The following RAD21 variants were observed in gnomAD, a reference collection of about 807,000 sequenced individuals.
The protein encoded by RAD21 is double-strand-break repair protein rad21 homolog.
In RAD21, 18 loss-of-function variants were observed where a neutral mutation model predicts 71.5. The ratio of observed to expected loss-of-function variants is 0.25; its 90% CI spans 0.17 to 0.37. The LOEUF (loss-of-function observed/expected upper bound fraction) is 0.37, where lower values mean the gene tolerates loss of function less well. Among genes scored for constraint, RAD21 ranks in the 10% least tolerant of loss-of-function variants. The probability of loss-of-function intolerance (pLI) is 1.00; values close to 1 mark genes in which losing one functional copy is unlikely to be tolerated. For missense variants in RAD21, 493 were observed against 769.1 expected (o/e 0.64, Z 4.25); for synonymous variants, 248 against 254.0 (o/e 0.98, Z 0.22).
At chr8:116,868,200 C>T (rs1447928337) in intron 1 of RAD21, among the ~76,000 whole-genome samples, 1 of 152,166 alleles carries the variant, frequency 6.6e-6, no homozygotes, top group Non-Finnish European at 1.5e-5. Flanking sequence ...TGAGTCACCA[C>T]ACTGGACTTA....
intron 5 of RAD21, among the ~76,000 whole-genome samples, chr8:116,857,804 T>C (rs1056466751): frequency 6.6e-6 from 1 of 152,168 alleles, no homozygotes; most frequent in African/African-American, 2.4e-5. Context: ...CGTTATAATG[T>C]GTTTCATCAA....
rs953138969 is a variant in RAD21, at chr8:116,846,358, A to AAGTT, written c.*1138_*1141dup. On this transcript the variant is annotated 3_prime_UTR_variant, in exon 14 of 14. Transcript: ENST00000297338. ...CTTTCAGTGTTAACTTTGCCCTAAAAAGTTAAGACATTCTGATAATCATAA... is the reference window on the plus strand; with the variant it reads ...CTTTCAGTGTTAACTTTGCCCTAAAAAGTTAGTTAAGACATTCTGATAATCATAA... 1 of 185,570 alleles carries AAGTT rather than the reference A, an allele frequency of 5.4e-6. No homozygotes were observed. Among genetic ancestry groups the AAGTT allele is most frequent in the African/African-American group, 3.5e-5 (1 of 28,510 alleles). 11.5% of individuals were successfully genotyped at this position (185,570 alleles called of 1,614,324 possible).
chr8:116,869,372 G>A (rs1283653284), intron 1 of RAD21, among the ~76,000 whole-genome samples: 1 of 152,166 alleles, frequency 6.6e-6, no homozygotes, highest in Non-Finnish European at 1.5e-5. Flanking sequence ...ATCACTTGAG[G>A]CCAGGAGTTC....
chr8:116,856,292 TAAA>T lies in RAD21; in HGVS notation c.815-7_815-5del, dbSNP rs35902828. 0.023 allele frequency: 26,123 copies of T among 1,117,238 alleles called. No individual in the cohort carries two copies. The highest frequency in any genetic ancestry group is 0.062 in the East Asian group (1,716 of 27,830). The allele number at this position is 1,117,238 out of a possible 1,614,324, so 69.2% of individuals were successfully genotyped here. The stretch of plus-strand genomic sequence containing the variant: ...TCAGGACTATCAGGCCCACCCACTG[TAAA>T]AAAAAAAAAAAAAAAAAAAAGTCAC... On this transcript the variant is annotated splice_polypyrimidine_tract_variant and splice_region_variant and intron_variant, in intron 7 of 13. Transcript: ENST00000297338.
chr8:116,857,060 T>G (rs1000003688), intron 6 of RAD21, among the ~76,000 whole-genome samples: 14 of 152,190 alleles, frequency 9.2e-5, no homozygotes, highest in African/African-American at 2.9e-4. Flanking sequence ...TAATAAAATT[T>G]AGCATTCTGA....
At chr8:116,860,853 C>G (rs1037459189) in intron 4 of RAD21, among the ~76,000 whole-genome samples, 1 of 151,972 alleles carries the variant, frequency 6.6e-6, no homozygotes, top group Non-Finnish European at 1.5e-5. Flanking sequence ...AGACAAATAT[C>G]GAACTATTAC....
intron 4 of RAD21, among the ~76,000 whole-genome samples, chr8:116,861,624 A>C (rs1184824866): frequency 6.6e-6 from 1 of 151,826 alleles, no homozygotes; most frequent in Non-Finnish European, 1.5e-5. Context: ...AAACTCTCAC[A>C]TCTTAGCTGT....
intron 11 of RAD21, 106 bp from the exon 12 acceptor site, chr8:116,850,873 C>T: frequency 2.7e-6 from 2 of 735,046 alleles, no homozygotes; most frequent in East Asian, 2.7e-5. Context: ...AAAAGAAATA[C>T]TGAGATTATA....
In RAD21 at chr8:116,854,341, C is replaced by T. The variant is rs202233096; in HGVS notation, c.1065G>A (p.Pro355=). ...SDIVTTLDLA[P]PTKKLMMWKE... is the part of the protein sequence containing the mutation. ...TCCACATCATCAATTTCTTGGTGGG[C>T]GGTGCCAGATCCAAAGTAGTAACAA... is the stretch of plus-strand genomic sequence containing the variant. The change falls in exon 9 of 14, where the codon CCG becomes CCA. Residue 355 remains proline (P), a synonymous_variant. Transcript: ENST00000297338. The T allele has an allele frequency of 2.2e-5, 35 of 1,613,680 alleles. No homozygotes were observed. The East Asian group carries it at 4.0e-4, about 19-fold the overall frequency.
chr8:116,869,932 C>G (rs1302337659), intron 1 of RAD21, among the ~76,000 whole-genome samples: 1 of 152,130 alleles, frequency 6.6e-6, no homozygotes, highest in Non-Finnish European at 1.5e-5. Context: ...TGTGCCAATT[C>G]TTTCCCATGA....
At chr8:116,866,976 G>C (rs1460741297) in intron 1 of RAD21, 3 of 313,896 alleles carry the variant, frequency 9.6e-6, no homozygotes, top group African/African-American at 2.1e-5. Context: ...AAAATACTAA[G>C]AGCTGAAAGT....
intron 3 of RAD21, 51 bp downstream of exon 3, chr8:116,863,079 G>A: frequency 6.5e-7 from 1 of 1,548,538 alleles, no homozygotes; most frequent in Non-Finnish European, 8.7e-7. Context: ...AAAAACATGA[G>A]AAACTCCAAA....
intron 7 of RAD21, 71 bp from the exon 8 acceptor site, chr8:116,856,359 G>A: frequency 7.4e-7 from 1 of 1,352,956 alleles, no homozygotes; most frequent in Non-Finnish European, 9.6e-7. Flanking sequence ...CACAAATGGG[G>A]AGGAGAAAAA....
chr8:116,850,898 C>T lies in RAD21; in HGVS notation c.1471-131G>A. 7.4e-6 allele frequency: 4 copies of T among 541,210 alleles called. No individual in the cohort carries two copies. The Admixed American group carries it at 1.3e-4, about 18-fold the overall frequency. The allele number at this position is 541,210 out of a possible 1,614,324, so 33.5% of individuals were successfully genotyped here. On this transcript the variant is annotated intron_variant, in intron 11 of 13. Transcript: ENST00000297338. ...CTGAGATTATATCTCTATACTTCCC[C>T]ACAAGGAAAAATTTATTACAGTATA... is the stretch of plus-strand genomic sequence containing the variant.
chr8:116,872,012 T>C (rs1812831012), intron 1 of RAD21, among the ~76,000 whole-genome samples: 2 of 152,174 alleles, frequency 1.3e-5, no homozygotes, highest in African/African-American at 4.8e-5. Context: ...GTCCTCCTTA[T>C]CCATGGCTTC....
chr8:116,854,963 T>C (rs2921788), intron 8 of RAD21, among the ~76,000 whole-genome samples: 13,248 of 152,250 alleles, frequency 0.087, 1,151 homozygotes, highest in African/African-American at 0.22. Context: ...CCCAGTCAGA[T>C]AGACCTGTTA....
In RAD21 at chr8:116,846,152, A is replaced by T. The variant is rs1420565669; in HGVS notation, c.*1348T>A. Reference sequence around the variant, plus strand: ...TTTACAGGCACATCATATTGAATGTAAAGCTGCAATAGCAATTTTATACAA... The same window carrying T: ...TTTACAGGCACATCATATTGAATGTTAAGCTGCAATAGCAATTTTATACAA... On this transcript the variant is annotated 3_prime_UTR_variant, in exon 14 of 14. Coordinates refer to ENST00000297338, the MANE Select transcript of RAD21 (RefSeq NM_006265.3). The T allele has an allele frequency of 8.7e-6, 2 of 230,866 alleles. No homozygotes were observed. The highest frequency in any genetic ancestry group is 1.7e-5 in the Non-Finnish European group (2 of 116,498). The allele number at this position is 230,866 out of a possible 1,614,324, so 14.3% of individuals were successfully genotyped here.
intron 1 of RAD21, among the ~76,000 whole-genome samples, chr8:116,873,881 T>A (rs1350171829): frequency 6.6e-6 from 1 of 152,198 alleles, no homozygotes; most frequent in Admixed American, 6.5e-5. Context: ...CCTTAATCAC[T>A]TTAAAGAATG....
intron 10 of RAD21, 45 bp from the exon 11 acceptor site, chr8:116,852,141 G>C (rs1242126360): frequency 6.5e-7 from 1 of 1,535,254 alleles, no homozygotes; most frequent in South Asian, 1.2e-5. Flanking sequence ...ATACAGTTTT[G>C]AACAGTATTA....
Sources: gnomAD v4.1 joint callset for allele counts (sites outside exome capture counted in the v4.1 genomes callset) on GRCh38, gnomAD v4.1.1 for gene constraint, MANE v1.5 for transcripts, NCBI Gene and HGNC (gene_info 2026-07-23, HGNC 2026-07-21) for gene names.